Variants in PGAP4 observed in about 807,000 individuals in gnomAD.
The protein encoded by PGAP4 is GPI-N-acetylgalactosamine transferase PGAP4.
In PGAP4, 12 loss-of-function variants were observed where a neutral mutation model predicts 28.2. That is an observed-to-expected ratio of 0.42 (90% CI 0.27 to 0.69). The LOEUF is 0.69. Among genes scored for constraint, PGAP4 ranks in the 30% least tolerant of loss-of-function variants. The pLI is 0.22. For synonymous variants in PGAP4, 205 were observed against 211.8 expected (o/e 0.97, Z 0.28); for missense variants, 425 against 513.5 (o/e 0.83, Z 1.67).
chr9:101,479,136 A>G (rs1422473307), intron 1 of PGAP4, among the ~76,000 whole-genome samples: 1 of 152,236 alleles, frequency 6.6e-6, no homozygotes, highest in Admixed American at 6.5e-5. Flanking sequence ...GTTTGTGAAC[A>G]TCCAGCATAT....
chr9:101,515,902 T>C lies in PGAP4; in HGVS notation c.-165+15446A>G, dbSNP rs77699784. On this transcript the variant is annotated intron_variant, in intron 2 of 3. Coordinates refer to the PGAP4 transcript ENST00000374851. ...AGGGTGACTAGTTAATGATAGTGTA[T>C]AACATATTTCAAAATAACTAATAAA... 6.5e-3 allele frequency among the ~76,000 whole-genome samples: 995 copies of C among 152,188 alleles called. 12 individuals are homozygous for C. Among genetic ancestry groups the C allele is most frequent in the African/African-American group, 0.021 (888 of 41,512 alleles).
chr9:101,516,979 T>C (rs1826949145), intron 2 of PGAP4, among the ~76,000 whole-genome samples: 1 of 152,182 alleles, frequency 6.6e-6, no homozygotes, highest in African/African-American at 2.4e-5. Flanking sequence ...CTATCTCTTA[T>C]TTACATGCTG....
At chr9:101,511,998 T>A (rs936743637) in intron 2 of PGAP4, among the ~76,000 whole-genome samples, 2 of 152,090 alleles carry the variant, frequency 1.3e-5, no homozygotes, top group Non-Finnish European at 2.9e-5. Flanking sequence ...AAATGTGTAA[T>A]AATGAGGACA....
At chr9:101,499,609 G>T (rs772927994) in intron 2 of PGAP4, among the ~76,000 whole-genome samples, 1 of 152,074 alleles carries the variant, frequency 6.6e-6, no homozygotes, top group Admixed American at 6.6e-5. Context: ...GGTTGGACAG[G>T]CAGTTGCTGG....
intron 2 of PGAP4, among the ~76,000 whole-genome samples, chr9:101,504,582 T>C (rs182364527): frequency 2.6e-5 from 4 of 152,110 alleles, no homozygotes; most frequent in Admixed American, 2.0e-4. Flanking sequence ...GTCTTTTACA[T>C]TTGAGCACCC....
At chr9:101,493,252 CAAA>C (rs34195899) in intron 2 of PGAP4, among the ~76,000 whole-genome samples, 3 of 116,960 alleles carry the variant, frequency 2.6e-5, no homozygotes, top group African/African-American at 3.1e-5. Context: ...GACTCCATCT[CAAA>C]AAAAAAAAAA....
intron 2 of PGAP4, among the ~76,000 whole-genome samples, chr9:101,494,200 C>T (rs1462314931): frequency 6.6e-6 from 1 of 151,740 alleles, no homozygotes; most frequent in African/African-American, 2.4e-5. Flanking sequence ...AAAAATATGA[C>T]ATTTTAGTTA....
chr9:101,476,221 C>T lies in PGAP4; in HGVS notation c.872G>A (p.Trp291Ter). The T allele has an allele frequency of 6.2e-7, 1 of 1,614,150 alleles. No individual in the cohort carries two copies. Among genetic ancestry groups the T allele is most frequent in the Non-Finnish European group, 8.5e-7 (1 of 1,180,034 alleles). ...CAGGGAGAAGAAGAGCATTACAGGC[C>T]AGCTAAACCCTGGGCGGCTGGCAAA... ...MRFASRPGFS[W>*]PVMLFFSLYS... The change falls in exon 2 of 2, where the codon TGG becomes TAG. Residue 291 changes from tryptophan (W) to a stop codon, truncating the protein, a stop_gained. Transcript: ENST00000374848. LOFTEE classifies it high-confidence loss of function. This position sits in a 1 kb window ranked among gnomAD's most constrained non-coding sequence, Gnocchi z 7.0.
chr9:101,528,942 C>T (rs886618480), intron 2 of PGAP4, among the ~76,000 whole-genome samples: 5 of 151,934 alleles, frequency 3.3e-5, no homozygotes, highest in African/African-American at 1.2e-4. Context: ...TCTCCCTCCT[C>T]CCACCCTTCA....
At chr9:101,501,688 C>A in intron 2 of PGAP4, 1 of 518,288 alleles carries the variant, frequency 1.9e-6, no homozygotes, top group Non-Finnish European at 3.9e-6. Flanking sequence ...AATCCACATT[C>A]ACTGAGTAGA....
At chr9:101,527,567 T>C (rs1018818328) in intron 2 of PGAP4, among the ~76,000 whole-genome samples, 1 of 152,202 alleles carries the variant, frequency 6.6e-6, no homozygotes, top group African/African-American at 2.4e-5. Flanking sequence ...AATTAAGTAA[T>C]AAATGTTTTA....
chr9:101,506,426 C>T (rs1473094279), intron 2 of PGAP4, among the ~76,000 whole-genome samples: 1 of 151,938 alleles, frequency 6.6e-6, no homozygotes, highest in Non-Finnish European at 1.5e-5. Context: ...TGACTCAAGG[C>T]CCTTTTCTGA....
At position 101,476,718 on chromosome 9, in the gene PGAP4, G is replaced by C. The variant is rs748692065; in HGVS notation, c.375C>G (p.Phe125Leu). The change falls in exon 2 of 2, where the codon TTC becomes TTG. Residue 125 changes from phenylalanine (F) to leucine (L), a missense_variant. By Grantham distance (22) the Phe-to-Leu change is conservative. Coordinates refer to ENST00000374848, the MANE Select transcript of PGAP4 (RefSeq NM_032342.3). The surrounding 1 kb of genome is among the most constrained non-coding windows in gnomAD (Gnocchi z 7.0). Reference protein sequence around the residue: ...FHYVLQVVSQFHRLLQQCGPQ... With the variant: ...FHYVLQVVSQLHRLLQQCGPQ... ...GGCCACATTGCTGAAGAAGCCGGTG[G>C]AACTGGGACACAACCTGCAGGACGT... The C allele has an allele frequency of 1.9e-6, 3 of 1,614,116 alleles. No individual in the cohort carries two copies. The highest frequency in any genetic ancestry group is 2.5e-6 in the Non-Finnish European group (3 of 1,180,016).
chr9:101,501,861 TCTGA>T (rs1353687676), intron 2 of PGAP4: 6 of 466,174 alleles, frequency 1.3e-5, no homozygotes, highest in Non-Finnish European at 2.6e-5. Context: ...GTTCAGATCC[TCTGA>T]CTGATGATCT....
At chr9:101,500,878 C>T (rs1299628294) in intron 2 of PGAP4, among the ~76,000 whole-genome samples, 1 of 151,880 alleles carries the variant, frequency 6.6e-6, no homozygotes, top group African/African-American at 2.4e-5. Flanking sequence ...TTTTTAAGTG[C>T]TTAAAGTTTG....
At chr9:101,481,803 G>A (rs1347685360) in intron 1 of PGAP4, among the ~76,000 whole-genome samples, 1 of 152,134 alleles carries the variant, frequency 6.6e-6, no homozygotes, top group African/African-American at 2.4e-5. Context: ...TGAATGGCAC[G>A]ACCACTTTCC....
intron 2 of PGAP4, among the ~76,000 whole-genome samples, chr9:101,509,900 T>A (rs1015419075): frequency 6.6e-6 from 1 of 152,196 alleles, no homozygotes; most frequent in Non-Finnish European, 1.5e-5. Flanking sequence ...TGACACAAGA[T>A]GACCATTTCA....
chr9:101,505,030 G>C (rs1386385571), intron 2 of PGAP4, among the ~76,000 whole-genome samples: 1 of 152,068 alleles, frequency 6.6e-6, no homozygotes, highest in Non-Finnish European at 1.5e-5. Flanking sequence ...GATGAAAATA[G>C]CACACAACTG....
At chr9:101,515,380 T>A (rs918886117) in intron 2 of PGAP4, among the ~76,000 whole-genome samples, 2 of 152,166 alleles carry the variant, frequency 1.3e-5, no homozygotes, top group African/African-American at 4.8e-5. Flanking sequence ...TTCAGGATAA[T>A]TCCCCTTCTG....
Sources: allele counts gnomAD v4.1 joint callset (sites outside exome capture counted in the v4.1 genomes callset), GRCh38; gene constraint gnomAD v4.1.1; non-coding constraint Gnocchi (gnomAD v3.1); transcripts MANE v1.5; gene names NCBI Gene and HGNC (gene_info 2026-07-23, HGNC 2026-07-21).